Variants in SPATA19 observed in about 807,000 individuals in gnomAD.
The protein encoded by SPATA19 is spermatogenesis-associated protein 19, mitochondrial.
Under a neutral mutation model 25.0 loss-of-function variants are expected in SPATA19, and 19 were observed. That is an observed-to-expected ratio of 0.76 (90% confidence interval 0.53 to 1.11). The LOEUF (loss-of-function observed/expected upper bound fraction) is 1.11. Ranked by LOEUF, SPATA19 falls within the 50% of genes most tolerant of loss-of-function variation. SPATA19 has a pLI of 0.00. For synonymous variants in SPATA19, 64 were observed against 69.3 expected (o/e 0.92, Z 0.38); for missense variants, 222 against 211.4 (o/e 1.05, Z -0.31).
chr11:133,844,202 C>G, intron 4 of SPATA19, 44 bp downstream of exon 4: 1 of 1,522,918 alleles, frequency 6.6e-7, no homozygotes, highest in Non-Finnish European at 9.1e-7. Flanking sequence ...GCTTGCGCAT[C>G]TCTCCCTCCC....
intron 4 of SPATA19, among the ~76,000 whole-genome samples, chr11:133,843,061 AG>A (rs1484800383): frequency 6.6e-6 from 1 of 152,160 alleles, no homozygotes; most frequent in Non-Finnish European, 1.5e-5. Flanking sequence ...CTGAAATAAG[AG>A]GGGGACACCA....
chr11:133,841,545 G>A (rs1348005991), intron 6 of SPATA19, among the ~76,000 whole-genome samples: 5 of 152,046 alleles, frequency 3.3e-5, no homozygotes, highest in Non-Finnish European at 7.4e-5. Context: ...AACAGCCCCC[G>A]TGTGACCACC....
At chr11:133,838,544 G>C (rs929224007), downstream of SPATA19, among the ~76,000 whole-genome samples, 4 of 152,200 alleles carry the variant, frequency 2.6e-5, no homozygotes, top group Non-Finnish European at 5.9e-5. Flanking sequence ...ATGGATTAAA[G>C]ACTTACATGT....
chr11:133,845,243 T>TTGGCC, intron 1 of SPATA19, 53 bp from the exon 2 acceptor site: 4 of 1,555,028 alleles, frequency 2.6e-6, no homozygotes, highest in Non-Finnish European at 3.5e-6. Flanking sequence ...ATTCAGCTCT[T>TTGGCC]CCCACCCAGC....
chr11:133,843,628 C>A (rs1246801414), intron 4 of SPATA19, among the ~76,000 whole-genome samples: 3 of 152,192 alleles, frequency 2.0e-5, no homozygotes, highest in Non-Finnish European at 4.4e-5. Context: ...AGCCCTCAGT[C>A]CCTCTCCTGG....
chr11:133,845,058 G>A, intron 2 of SPATA19, 76 bp downstream of exon 2: 1 of 1,263,550 alleles, frequency 7.9e-7, no homozygotes, highest in Non-Finnish European at 1.1e-6. Context: ...GAAGAAGGAA[G>A]TCCAGATCCC....
chr11:133,842,070 A>T lies in SPATA19; in HGVS notation c.473T>A (p.Phe158Tyr). ...SRLTDVSAQD[F>Y]SMRPSSSDC is the part of the protein sequence containing the mutation. ...GTCTGAGGAGGAGGGTCTCATACTG[A>T]AGTCCTGAGCTGAGACATCTGTAAG... is the stretch of plus-strand genomic sequence containing the variant. The change falls in exon 6 of 7, where the codon TTC becomes TAC. Residue 158 changes from phenylalanine (F) to tyrosine (Y), a missense_variant. Coordinates refer to ENST00000299140, the MANE Select transcript of SPATA19 (RefSeq NM_174927.3). The T allele has an allele frequency of 6.2e-7, 1 of 1,614,146 alleles. No homozygotes were observed. The highest frequency in any genetic ancestry group is 8.5e-7 in the Non-Finnish European group (1 of 1,180,032).
chr11:133,845,018 T>C, intron 2 of SPATA19, 116 bp downstream of exon 2: 1 of 871,400 alleles, frequency 1.1e-6, no homozygotes, highest in Non-Finnish European at 1.8e-6. Context: ...AGGAAGGGTG[T>C]CTGGCAATGA....
In SPATA19 at chr11:133,842,433, C is replaced by A. The variant is rs890402468; in HGVS notation, c.437+52G>T. 8 of 1,461,908 alleles carry A rather than the reference C, an allele frequency of 5.5e-6. No homozygotes were observed. The African/African-American group carries it at 1.1e-4, about 20-fold the overall frequency. The allele number at this position is 1,461,908 out of a possible 1,614,324, so 90.6% of individuals were successfully genotyped here. On this transcript the variant is annotated intron_variant, in intron 5 of 6. Coordinates refer to ENST00000299140, the MANE Select transcript of SPATA19 (RefSeq NM_174927.3). ...GCGGGAAACCCAGCAGTCACCCCCACCCTACCTGCCCCCAGTCAGGAACAC... is the reference window on the plus strand; with the variant it reads ...GCGGGAAACCCAGCAGTCACCCCCAACCTACCTGCCCCCAGTCAGGAACAC...
chr11:133,842,339 C>T (rs1420147631), intron 5 of SPATA19, 146 bp downstream of exon 5: 12 of 764,408 alleles, frequency 1.6e-5, no homozygotes, highest in East Asian at 9.9e-5. Context: ...GAAGACAAGA[C>T]GCAGCCCTGG....
rs768972616 is a variant in SPATA19 at position 133,842,119 on chromosome 11, A to G, written c.438-14T>C. The stretch of plus-strand genomic sequence containing the variant: ...AGACGGGATATGCTGCAGGGGACAG[A>G]GGAGAAGGGCCAGGTGGAGGGAGGC... On this transcript the variant is annotated splice_polypyrimidine_tract_variant and intron_variant, in intron 5 of 6. Transcript: ENST00000299140. 9 of 1,613,558 alleles carry G rather than the reference A, an allele frequency of 5.6e-6. No individual in the cohort carries two copies. The highest frequency in any genetic ancestry group is 1.1e-5 in the South Asian group (1 of 91,084).
At chr11:133,841,791 A>T (rs1938315791) in intron 6 of SPATA19, among the ~76,000 whole-genome samples, 1 of 152,186 alleles carries the variant, frequency 6.6e-6, no homozygotes, top group Non-Finnish European at 1.5e-5. Flanking sequence ...GTGCTCTCTG[A>T]CACCACAGAG....
Position 133,842,468 on chromosome 11 carries a change from A to G in SPATA19, c.437+17T>C. ...CCCCAGTCAGGAACACAAATCAAGC[A>G]GTTCCAAACAGCTTACCTTCGTCTC... is the stretch of plus-strand genomic sequence containing the variant. On this transcript the variant is annotated intron_variant, in intron 5 of 6. Transcript: ENST00000299140. The G allele has an allele frequency of 6.2e-7, 1 of 1,603,728 alleles. No homozygotes were observed. The highest frequency in any genetic ancestry group is 8.5e-7 in the Non-Finnish European group (1 of 1,170,618).
chr11:133,839,338 A>G (rs1370189893), downstream of SPATA19, among the ~76,000 whole-genome samples: 1 of 152,232 alleles, frequency 6.6e-6, no homozygotes, highest in Non-Finnish European at 1.5e-5. Flanking sequence ...CCACCATGGA[A>G]TACTATGCAG....
chr11:133,844,598 T>G lies in SPATA19; in HGVS notation c.178A>C (p.Ile60Leu). Residue 60 changes from isoleucine (I) to leucine (L), a missense_variant, in exon 3 of 7, where the codon ATC becomes CTC. Physicochemically the swap from Ile to Leu is conservative, Grantham distance 5. Transcript: ENST00000299140. ...CTTACACCCTGGGAAGGGTGGTTGA[T>G]GGACAGCTTTTCCTTTATGCCCCGA... ...ASRGIKEKLSINHPSQGVREK... is the reference protein window; with the variant it reads ...ASRGIKEKLSLNHPSQGVREK... 6.2e-7 allele frequency: 1 copy of G among 1,613,550 alleles called. No homozygotes were observed. The highest frequency in any genetic ancestry group is 8.5e-7 in the Non-Finnish European group (1 of 1,179,772).
Position 133,843,373 on chromosome 11 carries a change from C to CA in SPATA19, c.360-812dup, listed in dbSNP as rs562521095. Among the ~76,000 whole-genome samples, 688 of 152,044 alleles carry CA rather than the reference C, an allele frequency of 4.5e-3. 4 individuals are homozygous for CA. The highest frequency in any genetic ancestry group is 8.9e-3 in the South Asian group (43 of 4,808). On this transcript the variant is annotated intron_variant, in intron 4 of 6. Coordinates refer to ENST00000299140, the MANE Select transcript of SPATA19 (RefSeq NM_174927.3). The stretch of plus-strand genomic sequence containing the variant: ...TAGGGGCCTCAGAAGGCTTCCCATC[C>CA]AAAAAAACTCTTTCCCAGGGAGCTC...
downstream of SPATA19, among the ~76,000 whole-genome samples, chr11:133,836,903 G>A (rs1488578316): frequency 3.3e-5 from 5 of 152,144 alleles, no homozygotes; most frequent in Non-Finnish European, 7.3e-5. Flanking sequence ...GCACTCTCCA[G>A]TCACCAAAGT....
Position 133,841,483 on chromosome 11 carries a change from C to T in SPATA19, c.*9+547G>A, listed in dbSNP as rs189211542. On this transcript the variant is annotated intron_variant, in intron 6 of 6. Transcript: ENST00000299140. ...GGCTCAGGGACTGCATCCCGGATAG[C>T]TCTTGTGGTTGTTTATCCTGCCATT... Among the ~76,000 whole-genome samples the T allele has an allele frequency of 1.1e-3, 160 of 152,286 alleles. 1 individual carries two copies. Among genetic ancestry groups the T allele is most frequent in the African/African-American group, 3.6e-3 (151 of 41,548 alleles).
chr11:133,845,035 G>T (rs1204698104), intron 2 of SPATA19, 99 bp downstream of exon 2: 2 of 1,021,290 alleles, frequency 2.0e-6, no homozygotes, highest in Non-Finnish European at 3.0e-6. Context: ...ATGAACTTGA[G>T]TTCCAGTTCC....
Sources: allele counts gnomAD v4.1 joint callset (sites outside exome capture counted in the v4.1 genomes callset), GRCh38; gene constraint gnomAD v4.1.1; transcripts MANE v1.5; gene names NCBI Gene and HGNC (gene_info 2026-07-23, HGNC 2026-07-21).